The following AGO1 variants were observed in gnomAD, a reference collection of about 807,000 sequenced individuals.
AGO1 encodes argonaute RISC component 1.
AGO1 carries 11 observed loss-of-function variants against 109.2 expected under a neutral mutation model. That is an observed-to-expected ratio of 0.10 (90% CI 0.06 to 0.17). AGO1 has a LOEUF of 0.17. Ranked by LOEUF, AGO1 falls within the 10% of genes least tolerant of loss-of-function variation. The pLI is 1.00. For synonymous variants in AGO1, 422 were observed against 418.6 expected (o/e 1.01, Z -0.10); for missense variants, 574 against 1,140.3 (o/e 0.50, Z 7.15).
intron 10 of AGO1, 65 bp downstream of exon 10, chr1:35,902,135 G>C (rs1645428522): frequency 6.3e-7 from 1 of 1,587,804 alleles, no homozygotes; most frequent in Non-Finnish European, 8.6e-7. Flanking sequence ...GTATAGCCAG[G>C]GGCTTTTGCT....
Position 35,919,589 on chromosome 1 carries a change from C to A in AGO1, c.2556C>A (p.Arg852=). 1 of 1,613,922 alleles carries A rather than the reference C, an allele frequency of 6.2e-7. No homozygotes were observed. Among genetic ancestry groups the A allele is most frequent in the Non-Finnish European group, 8.5e-7 (1 of 1,179,872 alleles). The change falls in exon 19 of 19, where the codon CGC becomes CGA. Residue 852 remains arginine (R), a synonymous_variant. Transcript: ENST00000373204. This position sits in a 1 kb window ranked among gnomAD's most constrained non-coding sequence, Gnocchi z 6.6. ...TGCAGGTTCACCAGGATACTCTGCGCACCATGTACTTCGCTTGAAGGCAGA... is the reference window on the plus strand; with the variant it reads ...TGCAGGTTCACCAGGATACTCTGCGAACCATGTACTTCGCTTGAAGGCAGA... ...KAVQVHQDTL[R]TMYFA
At position 35,901,831 on chromosome 1, in the gene AGO1, T is replaced by A. The variant is rs1645421944; in HGVS notation, c.1141-117T>A. On this transcript the variant is annotated intron_variant, in intron 9 of 18. Coordinates refer to ENST00000373204, the MANE Select transcript of AGO1 (RefSeq NM_012199.5). This position sits in a 1 kb window ranked among gnomAD's most constrained non-coding sequence, Gnocchi z 4.8. ...CTCATCTTCCACTTTCTCTCTCTTT[T>A]TAGGACTATTCCGTACCAACCCCAG... 2.8e-6 allele frequency: 4 copies of A among 1,433,172 alleles called. No individual in the cohort carries two copies. Among genetic ancestry groups the A allele is most frequent in the Non-Finnish European group, 2.8e-6 (3 of 1,059,700 alleles). 88.8% of individuals were successfully genotyped at this position (1,433,172 alleles called of 1,614,324 possible).
rs1645818573 is a variant in AGO1, at chr1:35,920,804, T to A, written c.*1197T>A. On this transcript the variant is annotated 3_prime_UTR_variant, in exon 19 of 19. Coordinates refer to ENST00000373204, the MANE Select transcript of AGO1 (RefSeq NM_012199.5). ...ATGTTTCAATATTTCTTAACTGGGG[T>A]GTCTTATAACAAAAAACTCTTAGGT... 6.6e-6 allele frequency: 1 copy of A among 152,596 alleles called. No individual in the cohort carries two copies. The highest frequency in any genetic ancestry group is 2.4e-5 in the African/African-American group (1 of 41,430). The allele number at this position is 152,596 out of a possible 1,614,324, so 9.5% of individuals were successfully genotyped here.
At position 35,883,959 on chromosome 1, in the gene AGO1, G is replaced by A. The variant is rs116757422; in HGVS notation, c.25+513G>A. Among the ~76,000 whole-genome samples the A allele has an allele frequency of 0.048, 7,248 of 152,310 alleles. 260 individuals are homozygous for A. Among genetic ancestry groups the A allele is most frequent in the South Asian group, 0.083 (400 of 4,832 alleles). On this transcript the variant is annotated intron_variant, in intron 1 of 18. Transcript: ENST00000373204. The surrounding 1 kb of genome is among the most constrained non-coding windows in gnomAD (Gnocchi z 5.4). ...TCAGGGGGCGGTGGGTGGGGACCCAGTCCCGGGATTACCCCCCGTGGGTCT... is the reference window on the plus strand; with the variant it reads ...TCAGGGGGCGGTGGGTGGGGACCCAATCCCGGGATTACCCCCCGTGGGTCT...
At position 35,922,590 on chromosome 1, in the gene AGO1, G is replaced by C. The variant is rs191912446; in HGVS notation, c.*2983G>C. 386 of 153,620 alleles carry C rather than the reference G, an allele frequency of 2.5e-3. 3 individuals are homozygous for C. Among genetic ancestry groups the C allele is most frequent in the Non-Finnish European group, 1.4e-3 (96 of 69,472 alleles). The allele number at this position is 153,620 out of a possible 1,614,324, so 9.5% of individuals were successfully genotyped here. A position where few individuals can be genotyped will look rare whatever the true frequency, so the allele number is the denominator to read the frequency against. ...TTTCTTCTATTCACTCTGCTTGCTT[G>C]CTGGCCGGCCTGCCTGCCTGCCTGC... is the stretch of plus-strand genomic sequence containing the variant. On this transcript the variant is annotated 3_prime_UTR_variant, in exon 19 of 19. Coordinates refer to ENST00000373204, the MANE Select transcript of AGO1 (RefSeq NM_012199.5).
Position 35,892,650 on chromosome 1 carries a change from C to T in AGO1, c.303C>T (p.Val101=). The change falls in exon 3 of 19, where the codon GTC becomes GTT. Residue 101 remains valine (V), a synonymous_variant. Coordinates refer to ENST00000373204, the MANE Select transcript of AGO1 (RefSeq NM_012199.5). ...ATGGAAAGAAGAACATTTACACTGTCACAGCACTGCCCATTGGCAACGAAC... is the reference window on the plus strand; with the variant it reads ...ATGGAAAGAAGAACATTTACACTGTTACAGCACTGCCCATTGGCAACGAAC... ...VYDGKKNIYT[V]TALPIGNERV... The T allele has an allele frequency of 6.2e-7, 1 of 1,614,236 alleles. No homozygotes were observed.
intron 1 of AGO1, among the ~76,000 whole-genome samples, chr1:35,877,254 G>GTA (rs755372167): frequency 1.3e-5 from 2 of 152,150 alleles, no homozygotes; most frequent in Non-Finnish European, 2.9e-5. Context: ...TTTCGTGATG[G>GTA]TATACTTCTC....
intron 12 of AGO1, among the ~76,000 whole-genome samples, chr1:35,911,856 T>G (rs1344226987): frequency 1.3e-5 from 2 of 152,196 alleles, no homozygotes; most frequent in African/African-American, 4.8e-5. Context: ...CACATTTCAC[T>G]TTGTTGACCA....
intron 1 of AGO1, among the ~76,000 whole-genome samples, chr1:35,885,031 T>A (rs976325370): frequency 5.2e-5 from 7 of 135,220 alleles, no homozygotes; most frequent in Non-Finnish European, 9.5e-5. Context: ...TCCTACGACC[T>A]CACTCAAGTT....
chr1:35,888,325 C>G lies in AGO1; in HGVS notation c.26-102C>G, dbSNP rs1645153386. On this transcript the variant is annotated intron_variant, in intron 1 of 18. Transcript: ENST00000373204. This position sits in a 1 kb window ranked among gnomAD's most constrained non-coding sequence, Gnocchi z 4.1. The stretch of plus-strand genomic sequence containing the variant: ...TTGGGTAGCAGGAAAGAGGCATTCT[C>G]TATACTCTCGTGTTCCTGTTCTGGG... The G allele has an allele frequency of 8.0e-7, 1 of 1,248,234 alleles. No homozygotes were observed. Among genetic ancestry groups the G allele is most frequent in the Non-Finnish European group, 1.1e-6 (1 of 884,344 alleles). The allele number at this position is 1,248,234 out of a possible 1,614,324, so 77.3% of individuals were successfully genotyped here.
chr1:35,914,813 A>G (rs539022772), intron 14 of AGO1, among the ~76,000 whole-genome samples: 1 of 152,340 alleles, frequency 6.6e-6, no homozygotes. Flanking sequence ...CAGTAAGTGC[A>G]GGGAAACCCT....
At position 35,900,732 on chromosome 1, in the gene AGO1, A is replaced by G. The variant is rs116090574; in HGVS notation, c.1021-742A>G. ...AGAAGAGCAAAACTCCCTCTCAAAAATAAACAAATAAATACATAAGTACAA... is the reference window on the plus strand; with the variant it reads ...AGAAGAGCAAAACTCCCTCTCAAAAGTAAACAAATAAATACATAAGTACAA... On this transcript the variant is annotated intron_variant, in intron 8 of 18. Coordinates refer to ENST00000373204, the MANE Select transcript of AGO1 (RefSeq NM_012199.5). Among the ~76,000 whole-genome samples, 943 of 152,002 alleles carry G rather than the reference A, an allele frequency of 6.2e-3. 5 individuals are homozygous for G. The highest frequency in any genetic ancestry group is 9.3e-3 in the Non-Finnish European group (629 of 67,974).
Position 35,883,396 on chromosome 1 carries a change from G to A in AGO1, c.-26G>A, listed in dbSNP as rs1022891969. The A allele has an allele frequency of 6.3e-7, 1 of 1,580,414 alleles. No individual in the cohort carries two copies. Among genetic ancestry groups the A allele is most frequent in the Non-Finnish European group, 8.6e-7 (1 of 1,165,156 alleles). The stretch of plus-strand genomic sequence containing the variant: ...CGCTGGACTTCACAGTCTCCGGGCC[G>A]CCTGACCTCCGCACGGGTATATGGG... On this transcript the variant is annotated 5_prime_UTR_variant, in exon 1 of 19. Transcript: ENST00000373204. The surrounding 1 kb of genome is among the most constrained non-coding windows in gnomAD (Gnocchi z 5.4).
At chr1:35,870,247 CGTCA>C (rs1398884822) in intron 1 of AGO1, among the ~76,000 whole-genome samples, 2 of 151,218 alleles carry the variant, frequency 1.3e-5, no homozygotes, top group Non-Finnish European at 2.9e-5. Context: ...GTCTTTTTGT[CGTCA>C]AAAGAAAAAT....
At chr1:35,897,742 A>T (rs1291041598) in intron 8 of AGO1, among the ~76,000 whole-genome samples, 1 of 152,216 alleles carries the variant, frequency 6.6e-6, no homozygotes, top group Non-Finnish European at 1.5e-5. Context: ...AAAAAATAAA[A>T]AAACAGCTTT....
chr1:35,905,314 C>T (rs1645499294), intron 11 of AGO1, among the ~76,000 whole-genome samples: 1 of 151,880 alleles, frequency 6.6e-6, no homozygotes, highest in East Asian at 1.9e-4. Context: ...GTGGTTAGGT[C>T]GTGTTTTTTT....
chr1:35,887,020 A>G (rs1200374697), intron 1 of AGO1, among the ~76,000 whole-genome samples: 1 of 152,170 alleles, frequency 6.6e-6, no homozygotes, highest in East Asian at 1.9e-4. Flanking sequence ...ATTTCTGTCC[A>G]GCACTTTCTG....
chr1:35,928,173 C>T lies in AGO1; in HGVS notation c.*8566C>T, dbSNP rs1256753454. The T allele has an allele frequency of 6.6e-6, 1 of 152,236 alleles. No individual in the cohort carries two copies. The highest frequency in any genetic ancestry group is 2.4e-5 in the African/African-American group (1 of 41,456). 9.4% of individuals were successfully genotyped at this position (152,236 alleles called of 1,614,324 possible). A position where few individuals can be genotyped will look rare whatever the true frequency, so the allele number is the denominator to read the frequency against. On this transcript the variant is annotated 3_prime_UTR_variant, in exon 19 of 19. Coordinates refer to ENST00000373204, the MANE Select transcript of AGO1 (RefSeq NM_012199.5). ...AGCGGCAGCTGGCCACTCTGTCTTTCCTGCATGCACTGAGTATTTGGTAGC... is the reference window on the plus strand; with the variant it reads ...AGCGGCAGCTGGCCACTCTGTCTTTTCTGCATGCACTGAGTATTTGGTAGC...
chr1:35,898,799 G>T (rs1645365773), intron 8 of AGO1, among the ~76,000 whole-genome samples: 1 of 152,220 alleles, frequency 6.6e-6, no homozygotes, highest in Non-Finnish European at 1.5e-5. Flanking sequence ...TGTCTTCCTT[G>T]AATAGTTATG....
Sources: gnomAD v4.1 joint callset for allele counts (sites outside exome capture counted in the v4.1 genomes callset) on GRCh38, gnomAD v4.1.1 for gene constraint, Gnocchi (gnomAD v3.1) non-coding constraint, MANE v1.5 for transcripts, NCBI Gene and HGNC (gene_info 2026-07-23, HGNC 2026-07-21) for gene names.